Variants in AGAP1 observed in about 807,000 individuals in gnomAD.
AGAP1 encodes the protein ArfGAP with GTPase domain, ankyrin repeat and PH domain 1.
A neutral mutation model predicts 105.3 loss-of-function variants in AGAP1; 29 were observed. The observed-to-expected ratio is 0.28, with a 90% CI of 0.21 to 0.38. The LOEUF (loss-of-function observed/expected upper bound fraction) is 0.38. AGAP1 is among the 10% of genes least tolerant of loss of function. The probability of loss-of-function intolerance (pLI) is 1.00; values close to 1 mark genes in which losing one functional copy is unlikely to be tolerated. For synonymous variants in AGAP1, 509 were observed against 485.9 expected (o/e 1.05, Z -0.63); for missense variants, 998 against 1,165.1 (o/e 0.86, Z 2.09).
intron 9 of AGAP1, among the ~76,000 whole-genome samples, chr2:235,841,380 G>A (rs1396247193): frequency 3.3e-5 from 5 of 152,108 alleles, no homozygotes; most frequent in East Asian, 1.9e-4. Flanking sequence ...ACTAATCCCC[G>A]CACTGTAGGA....
In AGAP1 at chr2:236,001,302, C is replaced by T. The variant is rs1490088117; in HGVS notation, c.1645+32679C>T. ...CCTCCGAGGAACCCAGAGGAGGAAACGCATTTTTGTGGTTTCACGCCACCC... is the reference window on the plus strand; with the variant it reads ...CCTCCGAGGAACCCAGAGGAGGAAATGCATTTTTGTGGTTTCACGCCACCC... On this transcript the variant is annotated intron_variant, in intron 13 of 17. Coordinates refer to ENST00000304032, the MANE Select transcript of AGAP1 (RefSeq NM_001037131.3). This position sits in a 1 kb window ranked among gnomAD's most constrained non-coding sequence, Gnocchi z 4.7. 1.3e-5 allele frequency among the ~76,000 whole-genome samples: 2 copies of T among 152,196 alleles called. No homozygotes were observed. Among genetic ancestry groups the T allele is most frequent in the East Asian group, 1.9e-4 (1 of 5,184 alleles).
intron 12 of AGAP1, among the ~76,000 whole-genome samples, chr2:235,937,151 C>T (rs936049392): frequency 6.6e-6 from 1 of 152,196 alleles, no homozygotes; most frequent in African/African-American, 2.4e-5. Context: ...CAACCTTCAG[C>T]TTAGCTCAGT....
At chr2:235,649,691 G>A (rs6740043) in intron 1 of AGAP1, among the ~76,000 whole-genome samples, 115,622 of 152,168 alleles carry the variant, frequency 0.76, 44,574 homozygotes, top group African/African-American at 0.9. Context: ...CTTTTCTAGC[G>A]CCTCCCAGGT....
Position 236,036,034 on chromosome 2 carries a change from C to T in AGAP1, c.1646-527C>T, listed in dbSNP as rs549057799. Among the ~76,000 whole-genome samples the T allele has an allele frequency of 6.6e-6, 1 of 152,168 alleles. No homozygotes were observed. The highest frequency in any genetic ancestry group is 6.5e-5 in the Admixed American group (1 of 15,290). ...GATCCTCCTAAGGCACGCGGGATCCCATGCACTCTCCCTGTCTGAAAACGT... is the reference window on the plus strand; with the variant it reads ...GATCCTCCTAAGGCACGCGGGATCCTATGCACTCTCCCTGTCTGAAAACGT... On this transcript the variant is annotated intron_variant, in intron 13 of 17. Transcript: ENST00000304032. This position sits in a 1 kb window ranked among gnomAD's most constrained non-coding sequence, Gnocchi z 5.7.
intron 5 of AGAP1, among the ~76,000 whole-genome samples, chr2:235,745,545 C>T (rs1012504516): frequency 1.3e-5 from 2 of 152,194 alleles, no homozygotes; most frequent in African/African-American, 2.4e-5. Context: ...TGGAGGTTAG[C>T]TTTACAACTG....
intron 15 of AGAP1, 130 bp from the exon 16 acceptor site, chr2:236,048,929 T>G (rs1372212009): frequency 9.2e-6 from 8 of 870,914 alleles, no homozygotes; most frequent in Non-Finnish European, 1.4e-5. Flanking sequence ...CTAGGGAGCA[T>G]TTTTTCTCGC....
chr2:235,776,378 T>C (rs1283718219), intron 6 of AGAP1, among the ~76,000 whole-genome samples: 1 of 152,170 alleles, frequency 6.6e-6, no homozygotes, highest in East Asian at 1.9e-4. Context: ...CTCCTGCTTC[T>C]GTATCCAGGC....
intron 1 of AGAP1, among the ~76,000 whole-genome samples, chr2:235,661,801 G>A (rs1239907026): frequency 2.0e-5 from 3 of 152,200 alleles, no homozygotes; most frequent in Non-Finnish European, 4.4e-5. Flanking sequence ...CCAGGGACAG[G>A]TGGGGCCATG....
chr2:235,593,179 A>G (rs957776350), intron 1 of AGAP1, among the ~76,000 whole-genome samples: 6 of 152,186 alleles, frequency 3.9e-5, no homozygotes, highest in African/African-American at 7.2e-5. Flanking sequence ...GTGGCTCTCA[A>G]GCTGGCATTC....
intron 1 of AGAP1, among the ~76,000 whole-genome samples, chr2:235,541,150 G>A (rs191330493): frequency 6.6e-6 from 1 of 152,204 alleles, no homozygotes; most frequent in Admixed American, 6.5e-5. Context: ...CATTGGGCAC[G>A]TGGACTTTCA....
rs1017187531 is a variant in AGAP1 at position 235,938,676 on chromosome 2, A to T, written c.1483+7753A>T. 2.6e-5 allele frequency among the ~76,000 whole-genome samples: 4 copies of T among 152,144 alleles called. No homozygotes were observed. In the East Asian group the frequency reaches 7.7e-4, roughly 29 times the overall value. ...ACTTACATTCTGCACTAAGAGGACG[A>T]GAGAGGTTCTGAATGTCTCACTGGG... On this transcript the variant is annotated intron_variant, in intron 12 of 17. Coordinates refer to ENST00000304032, the MANE Select transcript of AGAP1 (RefSeq NM_001037131.3).
At chr2:235,920,321 C>G (rs766547126) in intron 11 of AGAP1, among the ~76,000 whole-genome samples, 1 of 152,192 alleles carries the variant, frequency 6.6e-6, no homozygotes, top group Non-Finnish European at 1.5e-5. Flanking sequence ...GATATCCACT[C>G]CCAACATGGA....
chr2:235,786,283 G>C lies in AGAP1; in HGVS notation c.674-11476G>C, dbSNP rs113763035. On this transcript the variant is annotated intron_variant, in intron 6 of 17. Transcript: ENST00000304032. Reference sequence around the variant, plus strand: ...CTGGCCTTTTGAACAGATTTGTACTGTGTTTAATTGTAGCATTTGAAATGT... The same window carrying C: ...CTGGCCTTTTGAACAGATTTGTACTCTGTTTAATTGTAGCATTTGAAATGT... Among the ~76,000 whole-genome samples the C allele has an allele frequency of 8.1e-3, 1,239 of 152,324 alleles. 9 individuals are homozygous for C. The highest frequency in any genetic ancestry group is 0.028 in the African/African-American group (1,168 of 41,570).
rs1943843304 is a variant in AGAP1, at chr2:235,552,418, A to G, written c.163+57569A>G. On this transcript the variant is annotated intron_variant, in intron 1 of 17. Coordinates refer to ENST00000304032, the MANE Select transcript of AGAP1 (RefSeq NM_001037131.3). The surrounding 1 kb of genome is among the most constrained non-coding windows in gnomAD (Gnocchi z 5.9). Reference sequence around the variant, plus strand: ...TTAAGGCTTGGCATTGTTGGAGGTCAGGAAGACCAACTAAGTCAAGTAGAG... The same window carrying G: ...TTAAGGCTTGGCATTGTTGGAGGTCGGGAAGACCAACTAAGTCAAGTAGAG... 6.6e-6 allele frequency among the ~76,000 whole-genome samples: 1 copy of G among 152,202 alleles called. No homozygotes were observed. Among genetic ancestry groups the G allele is most frequent in the African/African-American group, 2.4e-5 (1 of 41,454 alleles).
At chr2:235,832,894 C>G (rs184230484) in intron 9 of AGAP1, among the ~76,000 whole-genome samples, 2,185 of 152,340 alleles carry the variant, frequency 0.014, 30 homozygotes, top group Non-Finnish European at 0.021. Flanking sequence ...GGAGGCTGGT[C>G]TCTCCCCTGC....
At chr2:235,545,120 A>T (rs1943581216) in intron 1 of AGAP1, among the ~76,000 whole-genome samples, 1 of 152,000 alleles carries the variant, frequency 6.6e-6, no homozygotes, top group African/African-American at 2.4e-5. Flanking sequence ...CGGAAATATG[A>T]CTCCATGTGG....
chr2:235,785,348 A>G (rs1467838602), intron 6 of AGAP1, among the ~76,000 whole-genome samples: 3 of 152,224 alleles, frequency 2.0e-5, no homozygotes, highest in Non-Finnish European at 2.9e-5. Context: ...ATTAGACCTG[A>G]TAAGTTGTTA....
rs2056123098 is a variant in AGAP1, at chr2:236,001,583, T to G, written c.1645+32960T>G. On this transcript the variant is annotated intron_variant, in intron 13 of 17. Transcript: ENST00000304032. This position sits in a 1 kb window ranked among gnomAD's most constrained non-coding sequence, Gnocchi z 4.7. Reference sequence around the variant, plus strand: ...GCTTGCAAGCAGAGCTGGCAGGACTTGCTGAAAGAGTTAATATGGGAAGTG... The same window carrying G: ...GCTTGCAAGCAGAGCTGGCAGGACTGGCTGAAAGAGTTAATATGGGAAGTG... Among the ~76,000 whole-genome samples, 1 of 152,094 alleles carries G rather than the reference T, an allele frequency of 6.6e-6. No homozygotes were observed. Among genetic ancestry groups the G allele is most frequent in the South Asian group, 2.1e-4 (1 of 4,826 alleles).
chr2:236,093,959 G>T (rs2059126808), intron 16 of AGAP1, among the ~76,000 whole-genome samples: 1 of 151,996 alleles, frequency 6.6e-6, no homozygotes. Context: ...TCACAAATAG[G>T]CAATGATAAC....
Sources: allele counts gnomAD v4.1 joint callset (sites outside exome capture counted in the v4.1 genomes callset), GRCh38; gene constraint gnomAD v4.1.1; non-coding constraint Gnocchi (gnomAD v3.1); transcripts MANE v1.5; gene names NCBI Gene and HGNC (gene_info 2026-07-23, HGNC 2026-07-21).